RBFOX2: variants seen among roughly 807,000 people sequenced by gnomAD.
RBFOX2 encodes the protein RNA binding protein fox-1 homolog 2.
RBFOX2 carries 10 observed loss-of-function variants against 49.1 expected under a neutral mutation model. The ratio of observed to expected loss-of-function variants is 0.20; its 90% CI spans 0.13 to 0.35. The LOEUF is 0.35. RBFOX2 is among the 10% of genes least tolerant of loss of function. RBFOX2 has a pLI of 1.00. For synonymous variants in RBFOX2, 183 were observed against 187.4 expected (o/e 0.98, Z 0.19); for missense variants, 323 against 486.9 (o/e 0.66, Z 3.17).
intron 6 of RBFOX2, among the ~76,000 whole-genome samples, chr22:35,762,467 T>G (rs919579596): frequency 6.6e-6 from 1 of 151,246 alleles, no homozygotes; most frequent in Non-Finnish European, 1.5e-5. Context: ...TCTATAAATA[T>G]ACGAATGAAA....
intron 5 of RBFOX2, among the ~76,000 whole-genome samples, 181 bp downstream of exon 6, chr22:35,768,076 C>G (rs2146616988): frequency 6.6e-6 from 1 of 152,066 alleles, no homozygotes; most frequent in Admixed American, 6.6e-5. Flanking sequence ...AGGAGGGAGG[C>G]AGATAGAAGT....
chr22:35,995,013 T>C (rs1227660484), intron 1 of RBFOX2: 4 of 152,204 alleles, frequency 2.6e-5, no homozygotes, highest in Non-Finnish European at 4.4e-5. Context: ...CTGAGATATC[T>C]CATTTGAGCA....
chr22:35,892,505 G>C (rs1055378749), intron 1 of RBFOX2, among the ~76,000 whole-genome samples: 1 of 152,160 alleles, frequency 6.6e-6, no homozygotes, highest in Admixed American at 6.5e-5. Context: ...AAAATGCTTG[G>C]ATAAGCTGTA....
chr22:35,954,770 A>C (rs1032689647), intron 1 of RBFOX2, among the ~76,000 whole-genome samples: 4 of 152,232 alleles, frequency 2.6e-5, no homozygotes, highest in Non-Finnish European at 4.4e-5. Flanking sequence ...TTCTTTTCTC[A>C]AAAGAACTCA....
At chr22:35,878,588 C>T (rs566910343) in intron 1 of RBFOX2, among the ~76,000 whole-genome samples, 1 of 152,198 alleles carries the variant, frequency 6.6e-6, no homozygotes, top group South Asian at 2.1e-4. Context: ...CAGGTGTGTC[C>T]CACCAACCCT....
chr22:35,953,643 G>A (rs1185561202), intron 1 of RBFOX2, among the ~76,000 whole-genome samples: 1 of 152,118 alleles, frequency 6.6e-6, no homozygotes, highest in Non-Finnish European at 1.5e-5. Context: ...TTTTTTAAAA[G>A]TTTAATTTTA....
chr22:35,789,045 T>C (rs1440796642), intron 2 of RBFOX2, among the ~76,000 whole-genome samples: 2 of 152,170 alleles, frequency 1.3e-5, no homozygotes, highest in African/African-American at 4.8e-5. Context: ...TGCGGCCAAA[T>C]GCTTATCAGA....
chr22:35,862,911 C>A (rs1046161936), intron 1 of RBFOX2, among the ~76,000 whole-genome samples: 1 of 152,118 alleles, frequency 6.6e-6, no homozygotes. Flanking sequence ...TTGATGTTAT[C>A]GGCGTCATTG....
At chr22:36,026,816 G>A (rs1373952795) in intron 1 of RBFOX2, among the ~76,000 whole-genome samples, 2 of 152,166 alleles carry the variant, frequency 1.3e-5, no homozygotes, top group East Asian at 3.9e-4. Flanking sequence ...AAGTAACAGG[G>A]TAAACTCTGC....
chr22:35,839,275 T>C (rs191262740), intron 1 of RBFOX2, among the ~76,000 whole-genome samples: 103 of 152,336 alleles, frequency 6.8e-4, no homozygotes, highest in Non-Finnish European at 1.1e-3. Context: ...CAAGAAAAAT[T>C]GCCTTGCCAG....
intron 1 of RBFOX2, among the ~76,000 whole-genome samples, chr22:36,025,054 C>T (rs1387281317): frequency 6.6e-6 from 1 of 152,050 alleles, no homozygotes; most frequent in Non-Finnish European, 1.5e-5. Flanking sequence ...GCGATCCACC[C>T]GCCTCAGTCT....
intron 2 of RBFOX2, among the ~76,000 whole-genome samples, chr22:35,805,084 G>A (rs1223297445): frequency 1.3e-5 from 2 of 151,804 alleles, no homozygotes; most frequent in African/African-American, 4.8e-5. Flanking sequence ...TCAGGAGATC[G>A]AGACCATCCT....
intron 2 of RBFOX2, among the ~76,000 whole-genome samples, chr22:35,792,705 G>A (rs1015067395): frequency 6.6e-6 from 1 of 152,182 alleles, no homozygotes; most frequent in Non-Finnish European, 1.5e-5. Flanking sequence ...AACAGAAGGA[G>A]CTGAGAGCTG....
chr22:35,983,172 G>T (rs948660521), intron 1 of RBFOX2, among the ~76,000 whole-genome samples: 1 of 152,148 alleles, frequency 6.6e-6, no homozygotes, highest in Non-Finnish European at 1.5e-5. Context: ...TTTCAACAAG[G>T]TGCTGGAAAT....
At chr22:35,747,843 C>CTT (rs1453021323) in intron 9 of RBFOX2, 1 of 152,104 alleles carries the variant, frequency 6.6e-6, no homozygotes, top group East Asian at 1.9e-4. Context: ...CTGCCCTGTG[C>CTT]TTTCTACTTC....
chr22:35,846,929 G>A lies in RBFOX2; in HGVS notation c.-33-36925C>T, dbSNP rs557632409. 2.7e-4 allele frequency among the ~76,000 whole-genome samples: 41 copies of A among 152,218 alleles called. 1 individual carries two copies. The highest frequency in any genetic ancestry group is 2.5e-3 in the South Asian group (12 of 4,812). On this transcript the variant is annotated intron_variant, in intron 1 of 13. Transcript: ENST00000359369. ...CTCCAACTGCCCCATTCACCACTTG[G>A]ATGACAGGTTAAGTAAAAGTGCCTA...
upstream of RBFOX2, among the ~76,000 whole-genome samples, chr22:35,941,382 T>A (rs1204133681): frequency 6.6e-6 from 1 of 152,112 alleles, no homozygotes; most frequent in Non-Finnish European, 1.5e-5. Context: ...AAGAATGAGA[T>A]AATATAGCAG....
At chr22:35,790,197 T>C (rs566176814) in intron 2 of RBFOX2, among the ~76,000 whole-genome samples, 1 of 152,364 alleles carries the variant, frequency 6.6e-6, no homozygotes, top group East Asian at 1.9e-4. Context: ...TAGGGCAACA[T>C]AGCCTATGCT....
chr22:35,829,130 G>A (rs1956339675), intron 1 of RBFOX2, among the ~76,000 whole-genome samples: 1 of 152,158 alleles, frequency 6.6e-6, no homozygotes, highest in Non-Finnish European at 1.5e-5. Flanking sequence ...ACGCAGTTGT[G>A]CTGTAGATAA....
Sources: gnomAD v4.1 joint callset for allele counts (sites outside exome capture counted in the v4.1 genomes callset) on GRCh38, gnomAD v4.1.1 for gene constraint, MANE v1.5 for transcripts, NCBI Gene and HGNC (gene_info 2026-07-23, HGNC 2026-07-21) for gene names.